Variants in KIF16B observed in about 807,000 individuals in gnomAD.
KIF16B encodes the protein kinesin-like protein KIF16B.
Under a neutral mutation model 156.3 loss-of-function variants are expected in KIF16B, and 98 were observed. The ratio of observed to expected loss-of-function variants is 0.63; its 90% CI spans 0.53 to 0.74. KIF16B has a LOEUF of 0.74. KIF16B is among the 30% of genes least tolerant of loss of function. The pLI, the probability that KIF16B is intolerant of heterozygous loss-of-function variation, is 0.00. For synonymous variants in KIF16B, 564 were observed against 583.7 expected (o/e 0.97, Z 0.49); for missense variants, 1,421 against 1,606.5 (o/e 0.88, Z 1.97).
intron 12 of KIF16B, among the ~76,000 whole-genome samples, chr20:16,489,136 GA>G (rs1186916491): frequency 6.6e-6 from 1 of 152,168 alleles, no homozygotes; most frequent in African/African-American, 2.4e-5. Context: ...AGGCATGAGG[GA>G]GTATTTCCCG....
intron 12 of KIF16B, among the ~76,000 whole-genome samples, chr20:16,482,211 G>A (rs2068002127): frequency 6.6e-6 from 1 of 151,952 alleles, no homozygotes; most frequent in African/African-American, 2.4e-5. Context: ...AGCATAATCT[G>A]ATCCTTACAG....
intron 15 of KIF16B, among the ~76,000 whole-genome samples, chr20:16,418,933 C>T (rs1037126148): frequency 6.6e-6 from 1 of 152,100 alleles, no homozygotes; most frequent in Non-Finnish European, 1.5e-5. Flanking sequence ...GGCCACCCTG[C>T]AGGCCTTATA....
chr20:16,477,274 T>C (rs1469413166), intron 12 of KIF16B, among the ~76,000 whole-genome samples: 1 of 151,492 alleles, frequency 6.6e-6, no homozygotes, highest in Non-Finnish European at 1.5e-5. Context: ...GGCTCCTTGT[T>C]CTAACATTCT....
At chr20:16,286,186 A>G (rs2063219946) in intron 25 of KIF16B, among the ~76,000 whole-genome samples, 1 of 152,260 alleles carries the variant, frequency 6.6e-6, no homozygotes, top group African/African-American at 2.4e-5. Context: ...ATAATGAAGA[A>G]TGAAGATTAT....
intron 12 of KIF16B, among the ~76,000 whole-genome samples, chr20:16,465,332 CTT>C (rs1470206301): frequency 6.6e-6 from 1 of 152,102 alleles, no homozygotes; most frequent in Non-Finnish European, 1.5e-5. Context: ...AAAAAAGACT[CTT>C]TGCTAATGCA....
chr20:16,534,164 A>G (rs928902891), intron 1 of KIF16B, among the ~76,000 whole-genome samples: 14 of 152,104 alleles, frequency 9.2e-5, no homozygotes, highest in African/African-American at 3.4e-4. Flanking sequence ...CTGAGGCAGG[A>G]GAATCACTTG....
At chr20:16,414,312 C>T (rs1000884784) in intron 15 of KIF16B, among the ~76,000 whole-genome samples, 6 of 151,964 alleles carry the variant, frequency 3.9e-5, no homozygotes, top group Non-Finnish European at 5.9e-5. Flanking sequence ...GGCTGGCTTG[C>T]GAATGAATGA....
chr20:16,370,844 C>G (rs1016422522), intron 21 of KIF16B, among the ~76,000 whole-genome samples: 1 of 152,132 alleles, frequency 6.6e-6, no homozygotes, highest in Admixed American at 6.5e-5. Context: ...AACACTTACT[C>G]CTAATCTTAA....
chr20:16,453,092 A>T (rs2067126743), intron 12 of KIF16B, among the ~76,000 whole-genome samples: 1 of 143,744 alleles, frequency 7.0e-6, no homozygotes, highest in Non-Finnish European at 1.5e-5. Flanking sequence ...ACATAGTGAG[A>T]CCCTATCTTT....
At chr20:16,543,471 G>A (rs2070281939) in intron 1 of KIF16B, among the ~76,000 whole-genome samples, 1 of 152,148 alleles carries the variant, frequency 6.6e-6, no homozygotes, top group Non-Finnish European at 1.5e-5. Flanking sequence ...AATTATTCCA[G>A]AAGCATAGGA....
At chr20:16,483,445 T>C (rs769590875) in intron 12 of KIF16B, among the ~76,000 whole-genome samples, 3 of 152,216 alleles carry the variant, frequency 2.0e-5, no homozygotes, top group African/African-American at 4.8e-5. Context: ...AAAGTTTCCA[T>C]ATACATAATT....
chr20:16,418,340 C>T (rs2066142041), intron 15 of KIF16B, among the ~76,000 whole-genome samples: 1 of 152,096 alleles, frequency 6.6e-6, no homozygotes, highest in Non-Finnish European at 1.5e-5. Flanking sequence ...TGAACAGACC[C>T]CCTCTTGGCC....
chr20:16,406,428 A>G lies in KIF16B; in HGVS notation c.1641T>C (p.Asn547=). The G allele has an allele frequency of 6.2e-7, 1 of 1,613,456 alleles. No homozygotes were observed. Among genetic ancestry groups the G allele is most frequent in the Non-Finnish European group, 8.5e-7 (1 of 1,179,584 alleles). The change falls in exon 16 of 26, where the codon AAT becomes AAC. Residue 547 remains asparagine (N), a synonymous_variant. Transcript: ENST00000354981. ...CCTTTGGATGGTTAAAGCGAAACATATTGGTTCTTCCCAAGAGAATCACAG... is the reference window on the plus strand; with the variant it reads ...CCTTTGGATGGTTAAAGCGAAACATGTTGGTTCTTCCCAAGAGAATCACAG... ...QGAVILLGRT[N]MFRFNHPKEA... is the part of the protein sequence containing the mutation.
At chr20:16,430,318 G>A (rs958107110) in intron 12 of KIF16B, among the ~76,000 whole-genome samples, 7 of 152,102 alleles carry the variant, frequency 4.6e-5, no homozygotes, top group African/African-American at 1.4e-4. Context: ...ATATCAAGAT[G>A]TTGCCTTAGT....
intron 1 of KIF16B, among the ~76,000 whole-genome samples, chr20:16,537,950 C>T (rs1025414913): frequency 2.0e-5 from 3 of 152,122 alleles, no homozygotes; most frequent in African/African-American, 4.8e-5. Context: ...GTAATCCACA[C>T]ACCTTGGCCT....
At chr20:16,478,681 G>C (rs1174880201) in intron 12 of KIF16B, among the ~76,000 whole-genome samples, 1 of 152,040 alleles carries the variant, frequency 6.6e-6, no homozygotes, top group Non-Finnish European at 1.5e-5. Flanking sequence ...TTGTATTCAA[G>C]TCACCCTTAT....
At chr20:16,563,021 A>T (rs939484030) in intron 1 of KIF16B, among the ~76,000 whole-genome samples, 1 of 152,256 alleles carries the variant, frequency 6.6e-6, no homozygotes. Flanking sequence ...CATTGAAAGC[A>T]TTAACTTTCT....
intron 12 of KIF16B, among the ~76,000 whole-genome samples, chr20:16,444,630 T>G (rs1555774352): frequency 6.6e-6 from 1 of 152,216 alleles, no homozygotes; most frequent in Non-Finnish European, 1.5e-5. Flanking sequence ...TGCATACATG[T>G]TCACTGAAAG....
intron 25 of KIF16B, among the ~76,000 whole-genome samples, chr20:16,294,436 A>G (rs1342441459): frequency 6.6e-6 from 1 of 152,190 alleles, no homozygotes; most frequent in African/African-American, 2.4e-5. Context: ...GGTGTTGCTG[A>G]GCAGGTCCCC....
Sources: gnomAD v4.1 joint callset for allele counts (sites outside exome capture counted in the v4.1 genomes callset) on GRCh38, gnomAD v4.1.1 for gene constraint, MANE v1.5 for transcripts, NCBI Gene and HGNC (gene_info 2026-07-23, HGNC 2026-07-21) for gene names.